Variants in PTCD2 observed in about 807,000 individuals in gnomAD.
PTCD2 encodes the protein pentatricopeptide repeat-containing protein 2, mitochondrial.
Under a neutral mutation model 42.6 loss-of-function variants are expected in PTCD2, and 31 were observed. The observed-to-expected ratio is 0.73, with a 90% CI of 0.55 to 0.98. PTCD2 has a LOEUF of 0.98. Among genes scored for constraint, PTCD2 ranks in the 50% least tolerant of loss-of-function variants. PTCD2 has a pLI of 0.00. For synonymous variants in PTCD2, 183 were observed against 170.9 expected, an observed-to-expected ratio of 1.07 and a Z score of -0.55; for missense variants, 476 against 454.8, an observed-to-expected ratio of 1.05 and a Z score of -0.42.
rs991060368 is a variant in PTCD2 at position 72,361,724 on chromosome 5, G to A, written c.*3297G>A. 2 of 152,276 alleles carry A rather than the reference G, an allele frequency of 1.3e-5. No individual in the cohort carries two copies. The highest frequency in any genetic ancestry group is 2.9e-5 in the Non-Finnish European group (2 of 68,126). 9.4% of individuals were successfully genotyped at this position (152,276 alleles called of 1,614,324 possible). ...GGATAAAGCTCAGGCTCTTCAACATGGTTTAGAAGGTCCTTCCTAATCTGG... is the reference window on the plus strand; with the variant it reads ...GGATAAAGCTCAGGCTCTTCAACATAGTTTAGAAGGTCCTTCCTAATCTGG... On this transcript the variant is annotated 3_prime_UTR_variant, in exon 10 of 10. Coordinates refer to ENST00000380639, the MANE Select transcript of PTCD2 (RefSeq NM_024754.5).
At position 72,326,637 on chromosome 5, in the gene PTCD2, G is replaced by C. The variant is rs1386542848; in HGVS notation, c.246G>C (p.Lys82Asn). ...AAACGTATTTTAGAAACTTGAAAAA[G>C]AAACTGACCCAGAACAAGCTCATCT... ...TKETYFRNLKKKLTQNKLILK... is the reference protein window; with the variant it reads ...TKETYFRNLKNKLTQNKLILK... The change falls in exon 3 of 10, where the codon AAG becomes AAC. Residue 82 changes from lysine (K) to asparagine (N), a missense_variant. Physicochemically the swap from Lys to Asn is moderately conservative, Grantham distance 94. Transcript: ENST00000380639. The C allele has an allele frequency of 6.2e-7, 1 of 1,614,004 alleles. No individual in the cohort carries two copies. Among genetic ancestry groups the C allele is most frequent in the East Asian group, 2.2e-5 (1 of 44,892 alleles).
Position 72,361,869 on chromosome 5 carries a change from G to A in PTCD2, c.*3442G>A, listed in dbSNP as rs994425842. On this transcript the variant is annotated 3_prime_UTR_variant, in exon 10 of 10. Coordinates refer to ENST00000380639, the MANE Select transcript of PTCD2 (RefSeq NM_024754.5). ...GCTTAGACATCTTTTCATCTGAGAA[G>A]GCTTTCTGGTCTAGTCTCACCTGGT... The A allele has an allele frequency of 3.9e-5, 6 of 152,222 alleles. No individual in the cohort carries two copies. Among genetic ancestry groups the A allele is most frequent in the African/African-American group, 1.4e-4 (6 of 41,418 alleles). 9.4% of individuals were successfully genotyped at this position (152,222 alleles called of 1,614,324 possible). A position where few individuals can be genotyped will look rare whatever the true frequency, so the allele number is the denominator to read the frequency against.
At chr5:72,324,992 G>A (rs769861794) in intron 2 of PTCD2, among the ~76,000 whole-genome samples, 4 of 151,390 alleles carry the variant, frequency 2.6e-5, no homozygotes, top group Admixed American at 6.6e-5. Context: ...GCATGATCTC[G>A]GCTCATTGCA....
chr5:72,325,604 GA>G (rs1223518211), intron 2 of PTCD2, among the ~76,000 whole-genome samples: 1 of 152,218 alleles, frequency 6.6e-6, no homozygotes, highest in Non-Finnish European at 1.5e-5. Flanking sequence ...AAAATTGGAA[GA>G]GCCACTGCAT....
At chr5:72,335,742 G>A in intron 5 of PTCD2, 52 bp from the exon 6 acceptor site, 1 of 1,185,460 alleles carries the variant, frequency 8.4e-7, no homozygotes, top group Non-Finnish European at 1.3e-6. Flanking sequence ...GAGCTTTGGG[G>A]GCCAACAGTA....
Position 72,362,025 on chromosome 5 carries a change from G to C in PTCD2, c.*3598G>C, listed in dbSNP as rs1438101932. The C allele has an allele frequency of 6.6e-6, 1 of 152,240 alleles. No individual in the cohort carries two copies. The highest frequency in any genetic ancestry group is 2.4e-5 in the African/African-American group (1 of 41,434). The allele number at this position is 152,240 out of a possible 1,614,324, so 9.4% of individuals were successfully genotyped here. ...TTCTGCTCTGTTTGCTGGGTGCCTA[G>C]CATGGTAGGGGATGTATCAGAGGAT... On this transcript the variant is annotated 3_prime_UTR_variant, in exon 10 of 10. Coordinates refer to ENST00000380639, the MANE Select transcript of PTCD2 (RefSeq NM_024754.5).
chr5:72,327,775 C>A (rs1157140313), intron 3 of PTCD2, among the ~76,000 whole-genome samples: 1 of 152,084 alleles, frequency 6.6e-6, no homozygotes, highest in Admixed American at 6.5e-5. Context: ...CCCAGCCCTC[C>A]TTTCCATTTT....
At chr5:72,350,558 T>G (rs1461454297) in intron 8 of PTCD2, among the ~76,000 whole-genome samples, 2 of 152,204 alleles carry the variant, frequency 1.3e-5, no homozygotes, top group Non-Finnish European at 2.9e-5. Context: ...CAGTCAGTGC[T>G]TTTGCTCTCA....
intron 3 of PTCD2, among the ~76,000 whole-genome samples, chr5:72,329,127 A>T (rs946767545): frequency 2.6e-5 from 4 of 152,246 alleles, no homozygotes; most frequent in South Asian, 4.1e-4. Flanking sequence ...AATATCCTGA[A>T]CACTCTTTCT....
intron 4 of PTCD2, among the ~76,000 whole-genome samples, chr5:72,332,436 C>G (rs1462446978): frequency 2.6e-5 from 4 of 151,936 alleles, no homozygotes; most frequent in Non-Finnish European, 4.4e-5. Flanking sequence ...TACATAGATA[C>G]TGGAAAGATA....
intron 9 of PTCD2, 43 bp from the exon 10 acceptor site, chr5:72,358,160 A>G: frequency 1.3e-6 from 2 of 1,507,892 alleles, no homozygotes; most frequent in Non-Finnish European, 1.8e-6. Context: ...AATAAGGAAG[A>G]AATCTTGCAG....
intron 9 of PTCD2, among the ~76,000 whole-genome samples, chr5:72,355,410 AATT>A (rs1752825716): frequency 6.6e-6 from 1 of 152,214 alleles, no homozygotes; most frequent in Non-Finnish European, 1.5e-5. Context: ...GTAATTGACA[AATT>A]ATTTTTTAAA....
chr5:72,324,273 T>C (rs1751018556), intron 2 of PTCD2, among the ~76,000 whole-genome samples: 1 of 152,228 alleles, frequency 6.6e-6, no homozygotes, highest in Admixed American at 6.5e-5. Context: ...CAATCTGCTC[T>C]ATTGTCAGAC....
Position 72,363,733 on chromosome 5 carries a change from A to G in PTCD2, c.*5306A>G, listed in dbSNP as rs1753142950. The stretch of plus-strand genomic sequence containing the variant: ...CCCAAGCCCACCAATGAATTAATTG[A>G]ATCAAGAGTTCCAAGGCATTAGGTT... On this transcript the variant is annotated 3_prime_UTR_variant, in exon 10 of 10. Transcript: ENST00000380639. The G allele has an allele frequency of 6.6e-6, 1 of 152,242 alleles. No homozygotes were observed. The highest frequency in any genetic ancestry group is 2.4e-5 in the African/African-American group (1 of 41,468). The allele number at this position is 152,242 out of a possible 1,614,324, so 9.4% of individuals were successfully genotyped here. A position where few individuals can be genotyped will look rare whatever the true frequency, so the allele number is the denominator to read the frequency against.
chr5:72,338,580 A>T, intron 6 of PTCD2, 42 bp from the exon 7 acceptor site: 1 of 1,044,204 alleles, frequency 9.6e-7, no homozygotes, highest in Non-Finnish European at 1.4e-6. Flanking sequence ...TATTGAACTT[A>T]AAGGTTTATA....
chr5:72,342,919 A>C, intron 7 of PTCD2, 43 bp from the exon 8 acceptor site: 1 of 1,230,348 alleles, frequency 8.1e-7, no homozygotes, highest in East Asian at 2.4e-5. Context: ...CAATAACATT[A>C]GTTCCTATGA....
At chr5:72,352,491 C>T (rs1030614598) in intron 8 of PTCD2, 150 bp from the exon 9 acceptor site, 11 of 508,556 alleles carry the variant, frequency 2.2e-5, no homozygotes, top group Non-Finnish European at 2.5e-5. Context: ...ATTTAAAGCA[C>T]GTTTTTGAAC....
chr5:72,327,472 ATT>A (rs11416975), intron 3 of PTCD2, among the ~76,000 whole-genome samples: 10 of 136,048 alleles, frequency 7.4e-5, no homozygotes, highest in Admixed American at 1.5e-4. Flanking sequence ...TTTTTAAACT[ATT>A]TTTTTTTTTT....
chr5:72,329,784 A>G (rs1404029637), intron 3 of PTCD2, among the ~76,000 whole-genome samples: 1 of 152,094 alleles, frequency 6.6e-6, no homozygotes, highest in African/African-American at 2.4e-5. Context: ...GTAGTTAATT[A>G]ATTTGCTCAT....
Sources: allele counts gnomAD v4.1 joint callset (sites outside exome capture counted in the v4.1 genomes callset), GRCh38; gene constraint gnomAD v4.1.1; transcripts MANE v1.5; gene names NCBI Gene and HGNC (gene_info 2026-07-23, HGNC 2026-07-21).